The following GALNT13 variants were observed in gnomAD, a reference collection of about 807,000 sequenced individuals.
GALNT13 encodes the protein UDP-GalNAc:polypeptide N-acetylgalactosaminyltransferase 13.
GALNT13 carries 28 observed loss-of-function variants against 64.2 expected under a neutral mutation model. That is an observed-to-expected ratio of 0.44 (90% confidence interval 0.32 to 0.60). The LOEUF (loss-of-function observed/expected upper bound fraction) is 0.60. GALNT13 is among the 20% of genes least tolerant of loss of function. The pLI is 0.05. For missense variants in GALNT13, 577 were observed against 669.8 expected, an observed-to-expected ratio of 0.86 and a Z score of 1.53; for synonymous variants, 214 against 224.6, an observed-to-expected ratio of 0.95 and a Z score of 0.42.
At chr2:154,406,429 G>T (rs1699544914) in intron 10 of GALNT13, among the ~76,000 whole-genome samples, 1 of 152,026 alleles carries the variant, frequency 6.6e-6, no homozygotes, top group South Asian at 2.1e-4. Context: ...ACATTACTTA[G>T]TCTGGGATAC....
intron 3 of GALNT13, among the ~76,000 whole-genome samples, chr2:154,089,376 C>T (rs571976801): frequency 1.3e-5 from 2 of 152,018 alleles, no homozygotes; most frequent in Non-Finnish European, 2.9e-5. Flanking sequence ...AAACTTTTGC[C>T]CTTTGAGTGA....
At chr2:153,818,858 C>T in the GALNT13 span, among the ~76,000 whole-genome samples, 1 of 152,150 alleles carries the variant, frequency 6.6e-6, no homozygotes, top group South Asian at 2.1e-4. Flanking sequence ...CTGTAATATT[C>T]CCTCAGGAGG....
At chr2:154,043,447 T>C (rs1699108003) in intron 3 of GALNT13, among the ~76,000 whole-genome samples, 1 of 118,394 alleles carries the variant, frequency 8.4e-6, no homozygotes, top group Admixed American at 8.0e-5. Context: ...TATATATATA[T>C]ATATATATAC....
At chr2:154,060,348 T>A (rs1034551385) in intron 3 of GALNT13, among the ~76,000 whole-genome samples, 3 of 152,150 alleles carry the variant, frequency 2.0e-5, no homozygotes, top group Non-Finnish European at 2.9e-5. Context: ...TATATCTTTA[T>A]TTTTTATATT....
intron 1 of GALNT13, among the ~76,000 whole-genome samples, chr2:153,893,134 G>T (rs1687660999): frequency 1.3e-5 from 2 of 152,034 alleles, no homozygotes; most frequent in Non-Finnish European, 2.9e-5. Context: ...ACAGGCGAAG[G>T]TCAAAGAGCA....
At chr2:154,134,389 GA>G (rs1682829574) in intron 3 of GALNT13, among the ~76,000 whole-genome samples, 1 of 152,160 alleles carries the variant, frequency 6.6e-6, no homozygotes, top group Non-Finnish European at 1.5e-5. Flanking sequence ...GAAAGTCAAA[GA>G]GATGAGAAAA....
chr2:153,628,555 AG>A, the GALNT13 span, among the ~76,000 whole-genome samples: 3 of 151,878 alleles, frequency 2.0e-5, no homozygotes, highest in African/African-American at 7.3e-5. Context: ...TTTAGCATGA[AG>A]GGTTGTTGAA....
intron 3 of GALNT13, among the ~76,000 whole-genome samples, chr2:153,971,386 T>C (rs1313406422): frequency 6.6e-6 from 1 of 152,138 alleles, no homozygotes. Context: ...CTCTGCCCAA[T>C]AACAATCCTG....
the GALNT13 span, among the ~76,000 whole-genome samples, chr2:153,294,837 C>CT: frequency 6.6e-6 from 1 of 152,258 alleles, no homozygotes; most frequent in Middle Eastern, 3.4e-3. Context: ...GTCACTCATC[C>CT]TTTTTTTCTA....
the GALNT13 span, among the ~76,000 whole-genome samples, chr2:153,212,922 G>A: frequency 6.6e-6 from 1 of 152,286 alleles, no homozygotes; most frequent in South Asian, 2.1e-4. Context: ...TTAGAAACTA[G>A]ATTTTTCTGT....
At chr2:154,024,642 C>T (rs866276867) in intron 3 of GALNT13, among the ~76,000 whole-genome samples, 1 of 152,120 alleles carries the variant, frequency 6.6e-6, no homozygotes. Context: ...GTTTGAATTT[C>T]CTCCTGTAGC....
At chr2:154,013,084 TG>T (rs1696755574) in intron 3 of GALNT13, among the ~76,000 whole-genome samples, 1 of 149,098 alleles carries the variant, frequency 6.7e-6, no homozygotes, top group South Asian at 2.2e-4. Context: ...GAACCATTGC[TG>T]GGGATCTAGT....
downstream of GALNT13, among the ~76,000 whole-genome samples, chr2:154,455,864 A>G (rs938578418): frequency 8.5e-5 from 13 of 152,164 alleles, no homozygotes; most frequent in Admixed American, 6.5e-4. Flanking sequence ...GATAAAGACC[A>G]CTTCTGCGAT....
chr2:154,221,111 C>T (rs1424299571), intron 4 of GALNT13, among the ~76,000 whole-genome samples: 9 of 151,958 alleles, frequency 5.9e-5, no homozygotes, highest in South Asian at 2.1e-4. Context: ...TTTCCACCTG[C>T]CAGAATATTC....
intron 2 of GALNT13, among the ~76,000 whole-genome samples, chr2:153,904,759 G>GT (rs947295142): frequency 5.3e-5 from 8 of 151,650 alleles, no homozygotes; most frequent in Non-Finnish European, 1.0e-4. Context: ...TCTTAATGAG[G>GT]TTTTTTTGAT....
At chr2:153,591,996 G>A in the GALNT13 span, among the ~76,000 whole-genome samples, 1 of 151,622 alleles carries the variant, frequency 6.6e-6, no homozygotes, top group Non-Finnish European at 1.5e-5. Context: ...AAAAATAATA[G>A]CCTTAGAAAG....
At chr2:153,492,529 T>G in the GALNT13 span, among the ~76,000 whole-genome samples, 3 of 149,290 alleles carry the variant, frequency 2.0e-5, no homozygotes, top group Non-Finnish European at 3.0e-5. Context: ...GGCTGAGACA[T>G]AAACTCTCAG....
the GALNT13 span, among the ~76,000 whole-genome samples, chr2:153,485,683 G>T: frequency 6.6e-6 from 1 of 152,100 alleles, no homozygotes; most frequent in African/African-American, 2.4e-5. Context: ...CAGGAGGACT[G>T]CTTGAGCCCA....
chr2:154,292,521 G>T (rs1413880767), intron 8 of GALNT13, among the ~76,000 whole-genome samples: 2 of 152,094 alleles, frequency 1.3e-5, no homozygotes, highest in African/African-American at 2.4e-5. Context: ...TACCAGGTTT[G>T]CTGGGCTAGA....
Sources: gnomAD v4.1 joint callset for allele counts (sites outside exome capture counted in the v4.1 genomes callset) on GRCh38, gnomAD v4.1.1 for gene constraint, MANE v1.5 for transcripts, NCBI Gene and HGNC (gene_info 2026-07-23, HGNC 2026-07-21) for gene names.